ABL2: variants seen among roughly 807,000 people sequenced by gnomAD.
The protein encoded by ABL2 is ABL proto-oncogene 2, non-receptor tyrosine kinase.
ABL2 carries 49 observed loss-of-function variants against 107.7 expected under a neutral mutation model. The observed-to-expected ratio is 0.45, with a 90% CI of 0.36 to 0.58. The LOEUF (loss-of-function observed/expected upper bound fraction) is 0.58. Ranked by LOEUF, ABL2 falls within the 20% of genes least tolerant of loss-of-function variation. The pLI, the probability that ABL2 is intolerant of heterozygous loss-of-function variation, is 0.00. For synonymous variants in ABL2, 549 were observed against 548.6 expected (o/e 1.00, Z -0.01); for missense variants, 1,245 against 1,457.0 (o/e 0.85, Z 2.37).
chr1:179,132,327 A>T (rs542855474), intron 2 of ABL2, among the ~76,000 whole-genome samples: 17 of 152,338 alleles, frequency 1.1e-4, no homozygotes, highest in African/African-American at 3.8e-4. Flanking sequence ...CATAGTACAT[A>T]GCACAGGTGA....
At chr1:179,111,680 A>G (rs1654091845) in intron 10 of ABL2, among the ~76,000 whole-genome samples, 1 of 152,164 alleles carries the variant, frequency 6.6e-6, no homozygotes, top group Non-Finnish European at 1.5e-5. Flanking sequence ...AATGTTAAAC[A>G]TGGTTATTGG....
At position 179,107,676 on chromosome 1, in the gene ABL2, C is replaced by T. The variant is rs370953710; in HGVS notation, c.*42G>A. 5.9e-4 allele frequency: 906 copies of T among 1,542,910 alleles called. 1 individual carries two copies. Among genetic ancestry groups the T allele is most frequent in the Admixed American group, 7.2e-4 (36 of 49,744 alleles). ...CAGGAAAACAAGTCCTTTTCCCTCT[C>T]CCCTCAGAAATGTGTGCATTTTCCC... On this transcript the variant is annotated 3_prime_UTR_variant, in exon 12 of 12. Transcript: ENST00000502732.
chr1:179,205,027 TTC>T (rs1262126390), intron 1 of ABL2, among the ~76,000 whole-genome samples: 3 of 116,364 alleles, frequency 2.6e-5, no homozygotes, highest in African/African-American at 9.6e-5. Context: ...ACAACTCTTT[TTC>T]TTTTTTTTTT....
chr1:179,145,578 G>A (rs1025414894), intron 1 of ABL2, among the ~76,000 whole-genome samples: 3 of 152,152 alleles, frequency 2.0e-5, no homozygotes, highest in African/African-American at 7.2e-5. Flanking sequence ...GTGGAAAAGT[G>A]CATTACTTTA....
In ABL2 at chr1:179,134,799, G is replaced by A. The variant is rs573198826; in HGVS notation, c.158-1425C>T. On this transcript the variant is annotated intron_variant, in intron 1 of 11. Transcript: ENST00000502732. ...TGCCGAGCTGAAGCTGGACGGTACT[G>A]CTGCCATCTCGGCTCACTGCAACCT... 2.1e-4 allele frequency among the ~76,000 whole-genome samples: 32 copies of A among 152,134 alleles called. 1 individual carries two copies. In the South Asian group the frequency reaches 6.6e-3, roughly 32 times the overall value.
intron 1 of ABL2, among the ~76,000 whole-genome samples, chr1:179,217,221 AAGGCCGAGGTTGAACCCAAG>A (rs943674918): frequency 6.6e-5 from 10 of 151,914 alleles, no homozygotes; most frequent in African/African-American, 2.2e-4. Context: ...TTGAACTCAG[AAGGCCGAGGTTGAACCCAAG>A]AGGCCGAGGT....
chr1:179,158,918 T>C (rs28914492), intron 1 of ABL2, among the ~76,000 whole-genome samples: 1 of 152,166 alleles, frequency 6.6e-6, no homozygotes, highest in African/African-American at 2.4e-5. Flanking sequence ...GAATATAATA[T>C]CATCTCCCAT....
At chr1:179,172,832 T>C (rs529678797) in intron 1 of ABL2, among the ~76,000 whole-genome samples, 1 of 152,260 alleles carries the variant, frequency 6.6e-6, no homozygotes, top group East Asian at 1.9e-4. Flanking sequence ...CCCAGAATAT[T>C]ATGTGGTACT....
At chr1:179,217,886 C>T (rs943361606) in intron 1 of ABL2, among the ~76,000 whole-genome samples, 9 of 152,140 alleles carry the variant, frequency 5.9e-5, no homozygotes, top group Non-Finnish European at 1.0e-4. Flanking sequence ...TATATACATA[C>T]ATATGTATAA....
chr1:179,170,061 T>C (rs1208867265), intron 1 of ABL2, among the ~76,000 whole-genome samples: 1 of 152,100 alleles, frequency 6.6e-6, no homozygotes, highest in African/African-American at 2.4e-5. Context: ...ACAAAACATG[T>C]TTATTTGGCT....
At chr1:179,203,746 T>C (rs953907005) in intron 1 of ABL2, among the ~76,000 whole-genome samples, 2 of 152,194 alleles carry the variant, frequency 1.3e-5, no homozygotes, top group Non-Finnish European at 2.9e-5. Flanking sequence ...AGAATTCTTT[T>C]GTCAAATTAC....
intron 1 of ABL2, among the ~76,000 whole-genome samples, chr1:179,189,498 T>G (rs746464877): frequency 3.0e-4 from 46 of 152,200 alleles, no homozygotes; most frequent in Non-Finnish European, 5.3e-4. Context: ...AATGTTACTT[T>G]CTTAAATGTT....
chr1:179,229,167 T>TAC, intron 1 of ABL2, 74 bp downstream of exon 1: 3 of 402,572 alleles, frequency 7.5e-6, no homozygotes, highest in Non-Finnish European at 9.3e-6. Flanking sequence ...GGGCAGCCCG[T>TAC]CCGCCACCCA....
chr1:179,175,396 C>T (rs1651887860), intron 1 of ABL2, among the ~76,000 whole-genome samples: 1 of 152,176 alleles, frequency 6.6e-6, no homozygotes, highest in Non-Finnish European at 1.5e-5. Flanking sequence ...TTGAATGGGT[C>T]CTCTGTTCCC....
intron 6 of ABL2, among the ~76,000 whole-genome samples, chr1:179,119,544 C>A (rs900111756): frequency 6.7e-6 from 1 of 149,598 alleles, no homozygotes; most frequent in East Asian, 1.9e-4. Context: ...CCCCCCACAC[C>A]CCCCCAAAAA....
At chr1:179,204,495 T>C (rs941549868) in intron 1 of ABL2, among the ~76,000 whole-genome samples, 37 of 151,676 alleles carry the variant, frequency 2.4e-4, no homozygotes, top group African/African-American at 9.0e-4. Context: ...CCTGTAATCC[T>C]AGCACTTTGG....
At position 179,101,310 on chromosome 1, in the gene ABL2, C is replaced by G. The variant is rs1177890512; in HGVS notation, c.*6408G>C. The stretch of plus-strand genomic sequence containing the variant: ...ATGGGATCTTCTTATCTTGATCCCA[C>G]AGGGTGAAGCCTTCCCTAATTTCCT... On this transcript the variant is annotated 3_prime_UTR_variant, in exon 12 of 12. Transcript: ENST00000502732. 4.8e-6 allele frequency: 1 copy of G among 208,444 alleles called. No homozygotes were observed. Among genetic ancestry groups the G allele is most frequent in the Non-Finnish European group, 9.8e-6 (1 of 102,454 alleles). The allele number at this position is 208,444 out of a possible 1,614,324, so 12.9% of individuals were successfully genotyped here.
At chr1:179,220,751 G>C (rs1360252485) in intron 1 of ABL2, among the ~76,000 whole-genome samples, 2 of 152,206 alleles carry the variant, frequency 1.3e-5, no homozygotes, top group South Asian at 2.1e-4. Context: ...ACATACTGCT[G>C]AATGTTCAAC....
Position 179,107,965 on chromosome 1 carries a change from G to C in ABL2, c.3302C>G (p.Thr1101Arg), listed in dbSNP as rs746643698. 2.5e-5 allele frequency: 40 copies of C among 1,614,112 alleles called. No homozygotes were observed. ...CAGCTGGCTGTTGGGCACAGGTTCC[G>C]TGAGTGCACTGGACAGTAGGTCAGC... Reference protein sequence around the residue: ...ECADLLSSALTEPVPNSQLVD... With the variant: ...ECADLLSSALREPVPNSQLVD... Residue 1101 changes from threonine to arginine, a missense_variant, in exon 12 of 12, where the codon ACG (threonine) becomes AGG (arginine). Transcript: ENST00000502732.
Sources: gnomAD v4.1 joint callset for allele counts (sites outside exome capture counted in the v4.1 genomes callset) on GRCh38, gnomAD v4.1.1 for gene constraint, MANE v1.5 for transcripts, NCBI Gene and HGNC (gene_info 2026-07-23, HGNC 2026-07-21) for gene names.